PAK4: variants seen among roughly 807,000 people sequenced by gnomAD.
PAK4 encodes the protein p21 (RAC1) activated kinase 4.
Under a neutral mutation model 53.5 loss-of-function variants are expected in PAK4, and 49 were observed. The ratio of observed to expected loss-of-function variants is 0.92; its 90% CI spans 0.73 to 1.16. The LOEUF (loss-of-function observed/expected upper bound fraction) is 1.16, where lower values mean the gene tolerates loss of function less well. PAK4 is among the 50% of genes most tolerant of loss of function. The probability of loss-of-function intolerance (pLI) is 0.00; values close to 1 mark genes in which losing one functional copy is unlikely to be tolerated. For missense variants in PAK4, 824 were observed against 850.7 expected, an observed-to-expected ratio of 0.97 and a Z score of 0.39; for synonymous variants, 376 against 375.6, an observed-to-expected ratio of 1.00 and a Z score of -0.01.
chr19:39,165,218 T>TAATAATAATAATAATAATAATAAG (rs2074351751), intron 1 of PAK4, among the ~76,000 whole-genome samples: 2 of 148,386 alleles, frequency 1.3e-5, no homozygotes, highest in Non-Finnish European at 3.0e-5. Context: ...ATAATAATAA[T>TAATAATAATAATAATAATAATAAG]AAGGCCGGGC....
intron 1 of PAK4, among the ~76,000 whole-genome samples, chr19:39,138,649 G>A (rs770882361): frequency 3.3e-5 from 5 of 152,196 alleles, no homozygotes; most frequent in South Asian, 2.1e-4. Context: ...ACCTCATGGC[G>A]GTGGCAGGAG....
chr19:39,169,656 C>T, exon 2 of PAK4: 2 of 1,613,096 alleles, frequency 1.2e-6, no homozygotes, highest in East Asian at 2.2e-5. Flanking sequence ...GTTCACGGGG[C>T]TGCCCCGCCA....
At chr19:39,156,366 C>T (rs1338690088) in intron 1 of PAK4, among the ~76,000 whole-genome samples, 2 of 151,854 alleles carry the variant, frequency 1.3e-5, no homozygotes, top group African/African-American at 4.8e-5. Context: ...TCCCTTGTTT[C>T]AAACCTGGCT....
intron 1 of PAK4, among the ~76,000 whole-genome samples, chr19:39,136,237 C>G (rs946151621): frequency 1.3e-5 from 2 of 151,152 alleles, no homozygotes; most frequent in African/African-American, 4.9e-5. Context: ...CCCCACTGTC[C>G]CCACAGTTGT....
intron 1 of PAK4, among the ~76,000 whole-genome samples, chr19:39,130,514 G>A (rs905599837): frequency 6.6e-6 from 1 of 152,114 alleles, no homozygotes; most frequent in African/African-American, 2.4e-5. Context: ...AACAGGTCAT[G>A]GGTACGGAAG....
In PAK4 at chr19:39,173,211, C is replaced by T. The variant is rs2074521953; in HGVS notation, c.498C>T (p.Gly166=). Residue 166 remains glycine (G), a synonymous_variant, in exon 3 of 9, where the codon GGC becomes GGT. Coordinates refer to ENST00000358301, the Ensembl canonical transcript of PAK4. This position sits in a 1 kb window ranked among gnomAD's most constrained non-coding sequence, Gnocchi z 6.9. ...AGAGGCCCAAGTCTTCCAGGGAGGG[C>T]TCAGGGGGTCCCCAGGAGTCCTCCC... 2 of 1,555,792 alleles carry T rather than the reference C, an allele frequency of 1.3e-6. No homozygotes were observed. Among genetic ancestry groups the T allele is most frequent in the Non-Finnish European group, 1.7e-6 (2 of 1,149,714 alleles).
rs1223638493 is a variant in PAK4 at position 39,173,363 on chromosome 19, C to T, written c.650C>T (p.Ser217Phe). ...CCGAGGGCTGACACGGACCACCCAT[C>T]CCGGGGTGCCCAGGTAACCCATCCC... Residue 217 changes from serine (S) to phenylalanine (F), a missense_variant, in exon 3 of 9, where the codon TCC becomes TTC. Physicochemically the swap from Ser to Phe is radical, Grantham distance 155. Around this residue, in one of 2 missense-constraint regions of PAK4, gnomAD observed 478 missense variants for 435.8 expected, o/e 1.10. Transcript: ENST00000358301. The surrounding 1 kb of genome is among the most constrained non-coding windows in gnomAD (Gnocchi z 6.9). 6.5e-7 allele frequency: 1 copy of T among 1,533,056 alleles called. No individual in the cohort carries two copies. The highest frequency in any genetic ancestry group is 8.8e-7 in the Non-Finnish European group (1 of 1,138,034). 95.0% of individuals were successfully genotyped at this position (1,533,056 alleles called of 1,614,324 possible). A position where few individuals can be genotyped will look rare whatever the true frequency, so the allele number is the denominator to read the frequency against.
At chr19:39,151,492 A>G (rs1392913558) in intron 1 of PAK4, among the ~76,000 whole-genome samples, 2 of 152,226 alleles carry the variant, frequency 1.3e-5, no homozygotes, top group Non-Finnish European at 2.9e-5. Flanking sequence ...ACAAACTTGC[A>G]CACCTGTGAA....
At chr19:39,128,142 TC>T (rs2059197330) in intron 1 of PAK4, among the ~76,000 whole-genome samples, 1 of 152,186 alleles carries the variant, frequency 6.6e-6, no homozygotes, top group Admixed American at 6.5e-5. Flanking sequence ...TGTGAGGACC[TC>T]CGTTTCCACT....
rs754282739 is a variant in PAK4 at position 39,173,321 on chromosome 19, G to A, written c.608G>A (p.Arg203Gln). The A allele has an allele frequency of 3.1e-5, 49 of 1,595,752 alleles. No homozygotes were observed. The highest frequency in any genetic ancestry group is 1.1e-4 in the South Asian group (10 of 89,684). ...AGTGGGGCGAAACTGGCAGCTGGCC[G>A]GCCCTTTAACACCTACCCGAGGGCT... The change falls in exon 3 of 9, where the codon CGG (arginine) becomes CAG (glutamine). Residue 203 changes from arginine (R) to glutamine (Q), a missense_variant. Around this residue, in one of 2 missense-constraint regions of PAK4, gnomAD observed 478 missense variants for 435.8 expected, o/e 1.10. Transcript: ENST00000358301. The surrounding 1 kb of genome is among the most constrained non-coding windows in gnomAD (Gnocchi z 6.9).
intron 1 of PAK4, among the ~76,000 whole-genome samples, chr19:39,167,498 G>A (rs1485675244): frequency 6.6e-6 from 1 of 152,088 alleles, no homozygotes; most frequent in African/African-American, 2.4e-5. Flanking sequence ...CAGCACTCAG[G>A]GCGCCAGCAT....
chr19:39,177,734 C>T (rs773030634), exon 8 of PAK4: 1 of 1,613,688 alleles, frequency 6.2e-7, no homozygotes, highest in Admixed American at 1.7e-5. Context: ...AGCCCCCCTA[C>T]TTCAACGAGC....
chr19:39,165,556 T>TAAAAAA (rs761595959), intron 1 of PAK4, among the ~76,000 whole-genome samples: 14 of 124,088 alleles, frequency 1.1e-4, no homozygotes, highest in Middle Eastern at 4.3e-3. Flanking sequence ...ATAAATAAAA[T>TAAAAAA]AATAATAGAC....
rs2074588320 is a variant in PAK4, at chr19:39,175,552, TGAG to T, written c.1359+118_1359+120del. ...AGCTCTGACCCCCAGGTCTGTGTCT[TGAG>T]GAGCTGGGAACTTCGTCCCTCCCTG... On this transcript the variant is annotated intron_variant, in intron 6 of 8. Transcript: ENST00000358301. The surrounding 1 kb of genome is among the most constrained non-coding windows in gnomAD (Gnocchi z 4.7). The T allele has an allele frequency of 1.7e-6, 2 of 1,185,314 alleles. No homozygotes were observed. Among genetic ancestry groups the T allele is most frequent in the Non-Finnish European group, 2.4e-6 (2 of 847,902 alleles). The allele number at this position is 1,185,314 out of a possible 1,614,324, so 73.4% of individuals were successfully genotyped here.
At chr19:39,133,852 GC>G (rs2073760203) in intron 1 of PAK4, among the ~76,000 whole-genome samples, 1 of 152,214 alleles carries the variant, frequency 6.6e-6, no homozygotes, top group South Asian at 2.1e-4. Flanking sequence ...GCGGAAGGCG[GC>G]CGGTCTTCCT....
chr19:39,133,299 G>A (rs371924838), intron 1 of PAK4, among the ~76,000 whole-genome samples: 6 of 152,194 alleles, frequency 3.9e-5, no homozygotes, highest in African/African-American at 1.4e-4. Context: ...TGTTAGCTGC[G>A]TTACTAATAG....
chr19:39,156,297 T>C (rs1320915549), intron 1 of PAK4, among the ~76,000 whole-genome samples: 1 of 140,752 alleles, frequency 7.1e-6, no homozygotes, highest in Non-Finnish European at 1.5e-5. Flanking sequence ...TCCCCAGGGC[T>C]CTATCCTGCA....
At chr19:39,150,402 C>T (rs1313028497) in intron 1 of PAK4, among the ~76,000 whole-genome samples, 1 of 152,160 alleles carries the variant, frequency 6.6e-6, no homozygotes, top group Non-Finnish European at 1.5e-5. Flanking sequence ...TCATCCTCAG[C>T]CCGTGTCTGA....
intron 1 of PAK4, among the ~76,000 whole-genome samples, chr19:39,165,439 C>T (rs988885796): frequency 6.7e-6 from 1 of 150,166 alleles, no homozygotes; most frequent in Non-Finnish European, 1.5e-5. Flanking sequence ...GGCGCAAACC[C>T]GGGAGGCGGA....
Sources: gnomAD v4.1 joint callset for allele counts (sites outside exome capture counted in the v4.1 genomes callset) on GRCh38, gnomAD v4.1.1 for gene constraint, gnomAD v4.1.1 regional missense constraint, Gnocchi (gnomAD v3.1) non-coding constraint, MANE v1.5 for transcripts, NCBI Gene and HGNC (gene_info 2026-07-23, HGNC 2026-07-21) for gene names.